OTOGL: variants seen among roughly 807,000 people sequenced by gnomAD.
The protein encoded by OTOGL is otogelin like, also known as otogelin-like protein.
In OTOGL, 285 loss-of-function variants were observed where a neutral mutation model predicts 318.5. The observed-to-expected ratio is 0.89, with a 90% CI of 0.81 to 0.99. OTOGL has a LOEUF of 0.99. Ranked by LOEUF, OTOGL falls within the 50% of genes least tolerant of loss-of-function variation. The pLI, the probability that OTOGL is intolerant of heterozygous loss-of-function variation, is 0.00. For synonymous variants in OTOGL, 987 were observed against 936.5 expected (o/e 1.05, Z -0.99); for missense variants, 2,899 against 2,845.6 (o/e 1.02, Z -0.43).
intron 29 of OTOGL, among the ~76,000 whole-genome samples, chr12:80,307,145 A>G (rs955993343): frequency 4.0e-5 from 6 of 151,060 alleles, no homozygotes; most frequent in Non-Finnish European, 8.8e-5. Flanking sequence ...GATCAACAGG[A>G]TCCCAAGGCA....
chr12:80,274,190 C>T (rs530887643), intron 24 of OTOGL, among the ~76,000 whole-genome samples: 9 of 152,128 alleles, frequency 5.9e-5, no homozygotes, highest in African/African-American at 1.9e-4. Flanking sequence ...ATATTGAAAG[C>T]TGAGATGGGC....
In OTOGL at chr12:80,325,223, A is replaced by G. The variant is rs76973103; in HGVS notation, c.4199+1383A>G. On this transcript the variant is annotated intron_variant, in intron 35 of 58. Coordinates refer to ENST00000547103, the MANE Select transcript of OTOGL (RefSeq NM_001378609.3). ...CCCCTCTGTAAGATCTGTGAGATCTATGGCAAATGTTGCCAATAGGTAAGA... is the reference window on the plus strand; with the variant it reads ...CCCCTCTGTAAGATCTGTGAGATCTGTGGCAAATGTTGCCAATAGGTAAGA... 1.3e-3 allele frequency among the ~76,000 whole-genome samples: 198 copies of G among 152,136 alleles called. 1 individual carries two copies. In the East Asian group the frequency reaches 0.019, roughly 14 times the overall value.
intron 1 of OTOGL, among the ~76,000 whole-genome samples, chr12:80,170,377 A>G (rs1874124348): frequency 1.3e-5 from 2 of 151,766 alleles, no homozygotes; most frequent in Admixed American, 1.3e-4. Context: ...CCATTGGTAT[A>G]TTTTTTTGGT....
In OTOGL at chr12:80,320,428, C is replaced by A. The variant is rs1426614781; in HGVS notation, c.3809C>A (p.Ala1270Glu). 5.0e-6 allele frequency: 8 copies of A among 1,611,160 alleles called. No individual in the cohort carries two copies. The Admixed American group carries it at 1.3e-4, about 27-fold the overall frequency. Residue 1270 changes from alanine to glutamate, a missense_variant, in exon 34 of 59, where the codon GCA becomes GAA. Coordinates refer to ENST00000547103, the MANE Select transcript of OTOGL (RefSeq NM_001378609.3). ...GLFKEKVSSLALVSLESAERP... is the reference protein window; with the variant it reads ...GLFKEKVSSLELVSLESAERP... ...ACTGCTCTATATTTTACAGCATTAGCACTTGTTTCCTTGGAATCTGCTGAA... is the reference window on the plus strand; with the variant it reads ...ACTGCTCTATATTTTACAGCATTAGAACTTGTTTCCTTGGAATCTGCTGAA...
At chr12:80,161,571 G>T (rs1408822173) in intron 1 of OTOGL, among the ~76,000 whole-genome samples, 2 of 152,020 alleles carry the variant, frequency 1.3e-5, no homozygotes, top group African/African-American at 4.8e-5. Context: ...GGCAAATAAA[G>T]TACAAATATA....
chr12:80,238,427 A>C (rs1880055392), intron 9 of OTOGL, among the ~76,000 whole-genome samples: 1 of 152,160 alleles, frequency 6.6e-6, no homozygotes, highest in Non-Finnish European at 1.5e-5. Context: ...CAATTTTAAT[A>C]AGGTTCTTAC....
At chr12:80,307,967 G>C (rs1333339008) in intron 29 of OTOGL, among the ~76,000 whole-genome samples, 1 of 131,472 alleles carries the variant, frequency 7.6e-6, no homozygotes, top group Non-Finnish European at 1.6e-5. Context: ...CCGGGCAGAG[G>C]GGCTCCTCAG....
At chr12:80,344,643 T>C (rs979475052) in intron 44 of OTOGL, among the ~76,000 whole-genome samples, 4 of 152,182 alleles carry the variant, frequency 2.6e-5, no homozygotes, top group Admixed American at 1.3e-4. Flanking sequence ...TGGTAACATC[T>C]AAAAACCAAT....
chr12:80,203,602 G>A (rs192796472), intron 1 of OTOGL, among the ~76,000 whole-genome samples: 6 of 152,172 alleles, frequency 3.9e-5, no homozygotes, highest in Middle Eastern at 3.4e-3. Context: ...TAAAGAGCGA[G>A]GTAAGAGTAC....
chr12:80,164,738 G>A (rs1304283147), intron 1 of OTOGL, among the ~76,000 whole-genome samples: 1 of 152,084 alleles, frequency 6.6e-6, no homozygotes, highest in Non-Finnish European at 1.5e-5. Flanking sequence ...CACTTCATGA[G>A]CCCATGGCAG....
At chr12:80,265,361 G>A in intron 20 of OTOGL, 151 bp downstream of exon 20, 1 of 844,786 alleles carries the variant, frequency 1.2e-6, no homozygotes, top group South Asian at 1.9e-5. Flanking sequence ...AAAAGCAAAT[G>A]AAATAATATC....
chr12:80,168,541 G>A (rs7968125), intron 1 of OTOGL, among the ~76,000 whole-genome samples: 24,646 of 152,056 alleles, frequency 0.16, 3,723 homozygotes, highest in African/African-American at 0.4. Flanking sequence ...ACTTTGCACC[G>A]TATCATCAGC....
intron 27 of OTOGL, among the ~76,000 whole-genome samples, chr12:80,301,589 T>C (rs1249151271): frequency 6.6e-6 from 1 of 152,216 alleles, no homozygotes; most frequent in Non-Finnish European, 1.5e-5. Flanking sequence ...AAGCCATTTC[T>C]TTTGTTTGGA....
At chr12:80,202,526 G>T (rs1876531611) in intron 1 of OTOGL, among the ~76,000 whole-genome samples, 1 of 152,152 alleles carries the variant, frequency 6.6e-6, no homozygotes, top group South Asian at 2.1e-4. Context: ...GCCTGCCTTG[G>T]CCTCCCAAAG....
intron 26 of OTOGL, among the ~76,000 whole-genome samples, chr12:80,290,764 T>C (rs1884990960): frequency 6.6e-6 from 1 of 152,208 alleles, no homozygotes; most frequent in Non-Finnish European, 1.5e-5. Flanking sequence ...ATGGTGGTGA[T>C]CTTTGTTCAC....
chr12:80,109,934 T>A (rs755165613), intron 1 of OTOGL, among the ~76,000 whole-genome samples: 4 of 152,180 alleles, frequency 2.6e-5, no homozygotes, highest in Non-Finnish European at 5.9e-5. Flanking sequence ...AATACTTAAA[T>A]TTTTTAAATT....
At chr12:80,114,790 T>G (rs1206001476) in intron 1 of OTOGL, among the ~76,000 whole-genome samples, 2 of 152,086 alleles carry the variant, frequency 1.3e-5, no homozygotes. Flanking sequence ...TAGTCCCATA[T>G]TTGTTGGAGG....
chr12:80,356,680 A>ATG lies in OTOGL; in HGVS notation c.5912-125_5912-124dup, dbSNP rs537078610. 3.3e-3 allele frequency: 1,971 copies of ATG among 589,376 alleles called. 10 individuals are homozygous for ATG. Among genetic ancestry groups the ATG allele is most frequent in the Middle Eastern group, 8.2e-3 (17 of 2,072 alleles). The allele number at this position is 589,376 out of a possible 1,614,324, so 36.5% of individuals were successfully genotyped here. A position where few individuals can be genotyped will look rare whatever the true frequency, so the allele number is the denominator to read the frequency against. ...AACCTGGTATATATCTTTCATATAT[A>ATG]TGTATATATATATATGATTAAGAAC... On this transcript the variant is annotated intron_variant, in intron 48 of 58. Coordinates refer to ENST00000547103, the MANE Select transcript of OTOGL (RefSeq NM_001378609.3).
chr12:80,127,638 C>T (rs1008986230), intron 1 of OTOGL, among the ~76,000 whole-genome samples: 8 of 152,302 alleles, frequency 5.3e-5, no homozygotes, highest in Admixed American at 1.3e-4. Context: ...AGAGTGTTTT[C>T]CAACTTGGTT....
Sources: allele counts gnomAD v4.1 joint callset (sites outside exome capture counted in the v4.1 genomes callset), GRCh38; gene constraint gnomAD v4.1.1; transcripts MANE v1.5; gene names NCBI Gene and HGNC (gene_info 2026-07-23, HGNC 2026-07-21).